Variants in CNPY1 observed in about 807,000 individuals in gnomAD.
CNPY1 encodes protein canopy homolog 1.
Under a neutral mutation model 14.4 loss-of-function variants are expected in CNPY1, and 14 were observed. That is an observed-to-expected ratio of 0.97 (90% CI 0.64 to 1.52). The LOEUF (loss-of-function observed/expected upper bound fraction) is 1.52, where lower values mean the gene tolerates loss of function less well. Ranked by LOEUF, CNPY1 falls within the 40% of genes most tolerant of loss-of-function variation. The pLI, the probability that CNPY1 is intolerant of heterozygous loss-of-function variation, is 0.00. For missense variants in CNPY1, 129 were observed against 131.5 expected (o/e 0.98, Z 0.09); for synonymous variants, 43 against 46.5 (o/e 0.92, Z 0.31).
chr7:155,503,067 C>T lies in CNPY1; in HGVS notation c.*1G>A, dbSNP rs766670532. 9.3e-6 allele frequency: 15 copies of T among 1,609,212 alleles called. No homozygotes were observed. The Admixed American group carries it at 2.2e-4, about 23-fold the overall frequency. ...TCTCTACGACCAGCAGAACGGCACTCCTAGAGCTCAGTATGATTAGCAGAA... is the reference window on the plus strand; with the variant it reads ...TCTCTACGACCAGCAGAACGGCACTTCTAGAGCTCAGTATGATTAGCAGAA... On this transcript the variant is annotated 3_prime_UTR_variant, in exon 5 of 5. Coordinates refer to ENST00000636446, the MANE Select transcript of CNPY1 (RefSeq NM_001393663.1).
At chr7:155,539,436 T>C (rs1797059497) in intron 2 of CNPY1, among the ~76,000 whole-genome samples, 1 of 152,096 alleles carries the variant, frequency 6.6e-6, no homozygotes, top group Non-Finnish European at 1.5e-5. Flanking sequence ...CTCTAGCGAG[T>C]AGGAAAATTG....
intron 2 of CNPY1, among the ~76,000 whole-genome samples, chr7:155,517,255 G>C (rs1035606896): frequency 1.3e-5 from 2 of 152,102 alleles, no homozygotes; most frequent in African/African-American, 2.4e-5. Flanking sequence ...TTAGGAAACC[G>C]ACACGCACAG....
chr7:155,523,851 T>C (rs1796770931), intron 2 of CNPY1, among the ~76,000 whole-genome samples: 1 of 152,168 alleles, frequency 6.6e-6, no homozygotes, highest in African/African-American at 2.4e-5. Context: ...TCTAATCCCA[T>C]GTGACTGATG....
At chr7:155,523,096 C>G (rs939901337) in intron 2 of CNPY1, among the ~76,000 whole-genome samples, 1 of 152,202 alleles carries the variant, frequency 6.6e-6, no homozygotes. Flanking sequence ...GAGCAATTAA[C>G]AGGACTAGGG....
chr7:155,542,987 A>T (rs1385387111), intron 2 of CNPY1, among the ~76,000 whole-genome samples: 3 of 150,792 alleles, frequency 2.0e-5, no homozygotes, highest in Non-Finnish European at 4.4e-5. Context: ...GAGGCCACTC[A>T]CTCGCTTTGC....
intron 3 of CNPY1, among the ~76,000 whole-genome samples, chr7:155,507,551 T>C (rs1247429396): frequency 7.4e-6 from 1 of 134,618 alleles, no homozygotes; most frequent in Non-Finnish European, 1.6e-5. Flanking sequence ...TGATTTAACA[T>C]AATAATCCAT....
At chr7:155,519,014 C>G (rs1260774640) in intron 2 of CNPY1, among the ~76,000 whole-genome samples, 2 of 152,224 alleles carry the variant, frequency 1.3e-5, no homozygotes, top group African/African-American at 4.8e-5. Flanking sequence ...CTTATCCTGG[C>G]TGCAAAATTT....
At chr7:155,524,567 G>A (rs181225220) in intron 2 of CNPY1, among the ~76,000 whole-genome samples, 1 of 152,218 alleles carries the variant, frequency 6.6e-6, no homozygotes, top group Non-Finnish European at 1.5e-5. Flanking sequence ...CCAGGTTGTG[G>A]GCTCCCTATG....
chr7:155,512,885 G>A (rs1401541784), intron 2 of CNPY1, among the ~76,000 whole-genome samples: 1 of 152,304 alleles, frequency 6.6e-6, no homozygotes, highest in African/African-American at 2.4e-5. Flanking sequence ...TTTCTTTCTA[G>A]AGGTTTAGTT....
intron 3 of CNPY1, among the ~76,000 whole-genome samples, chr7:155,507,819 G>A (rs996610711): frequency 3.3e-5 from 5 of 152,170 alleles, no homozygotes; most frequent in Admixed American, 1.3e-4. Context: ...GGAACTACCA[G>A]GTTATACTTT....
rs368142566 is a variant in CNPY1 at position 155,535,020 on chromosome 7, C to A, written c.99+10811G>T. Among the ~76,000 whole-genome samples the A allele has an allele frequency of 9.9e-5, 15 of 152,282 alleles. 1 individual carries two copies. In the South Asian group the frequency reaches 1.0e-3, roughly 11 times the overall value. ...GGAGGTTGAGACAGCCCAGCGGTGA[C>A]CTGGCTGATGTGAGAGCAGGGCTGT... On this transcript the variant is annotated intron_variant, in intron 2 of 4. Coordinates refer to ENST00000636446, the MANE Select transcript of CNPY1 (RefSeq NM_001393663.1).
chr7:155,509,986 G>C (rs934093968), intron 2 of CNPY1, among the ~76,000 whole-genome samples: 4 of 152,230 alleles, frequency 2.6e-5, no homozygotes, highest in South Asian at 2.1e-4. Context: ...GAGCCGCCAA[G>C]GGCGCCGGAC....
intron 2 of CNPY1, among the ~76,000 whole-genome samples, chr7:155,542,914 C>T (rs1056528249): frequency 2.6e-5 from 4 of 152,048 alleles, no homozygotes; most frequent in African/African-American, 7.2e-5. Context: ...CGAGGCTAGA[C>T]GGAGAGAATA....
intron 3 of CNPY1, 84 bp downstream of exon 3, chr7:155,508,810 A>G (rs1002273753): frequency 2.8e-5 from 40 of 1,421,228 alleles, no homozygotes; most frequent in African/African-American, 5.8e-5. Context: ...AAACTCAACC[A>G]CAACAAGAGT....
At chr7:155,542,279 T>C (rs1476834755) in intron 2 of CNPY1, among the ~76,000 whole-genome samples, 1 of 150,388 alleles carries the variant, frequency 6.6e-6, no homozygotes, top group Non-Finnish European at 1.5e-5. Flanking sequence ...CAAGTCCTGC[T>C]TGGTCCTGCC....
chr7:155,534,762 C>T (rs1180402287), intron 2 of CNPY1, among the ~76,000 whole-genome samples: 1 of 152,208 alleles, frequency 6.6e-6, no homozygotes, highest in African/African-American at 2.4e-5. Flanking sequence ...GTGAAGGCCA[C>T]AGTCAGGCCA....
intron 2 of CNPY1, among the ~76,000 whole-genome samples, chr7:155,528,154 A>T (rs1048315835): frequency 2.4e-4 from 37 of 152,352 alleles, no homozygotes; most frequent in African/African-American, 8.7e-4. Context: ...AAGTTCAGGA[A>T]AAAGGACATG....
Position 155,527,434 on chromosome 7 carries a change from C to CTTTT in CNPY1, c.100-18341_100-18338dup, listed in dbSNP as rs11364914. On this transcript the variant is annotated intron_variant, in intron 2 of 4. Coordinates refer to ENST00000636446, the MANE Select transcript of CNPY1 (RefSeq NM_001393663.1). Reference sequence around the variant, plus strand: ...CATGTGTTATTTTGATAATTAATTTCTTTTTTTTTTTTTTTTTTTTTTTTT... The same window carrying CTTTT: ...CATGTGTTATTTTGATAATTAATTTCTTTTTTTTTTTTTTTTTTTTTTTTTTTTT... Among the ~76,000 whole-genome samples, 531 of 56,902 alleles carry CTTTT rather than the reference C, an allele frequency of 9.3e-3. 11 individuals carry two copies. The highest frequency in any genetic ancestry group is 0.036 in the Middle Eastern group (1 of 28). 37.3% of individuals were successfully genotyped at this position (56,902 alleles called of 152,430 possible).
intron 2 of CNPY1, among the ~76,000 whole-genome samples, chr7:155,512,113 C>G (rs1470039377): frequency 6.6e-6 from 1 of 152,156 alleles, no homozygotes; most frequent in East Asian, 1.9e-4. Context: ...AATAAAGCAC[C>G]TCCTATTGTA....
Sources: allele counts gnomAD v4.1 joint callset (sites outside exome capture counted in the v4.1 genomes callset), GRCh38; gene constraint gnomAD v4.1.1; transcripts MANE v1.5; gene names NCBI Gene and HGNC (gene_info 2026-07-23, HGNC 2026-07-21).